Variants in MRPS28 observed in about 807,000 individuals in gnomAD.
MRPS28 encodes the protein small ribosomal subunit protein bS1m.
MRPS28 carries 7 observed loss-of-function variants against 10.8 expected under a neutral mutation model. The ratio of observed to expected loss-of-function variants is 0.65; its 90% CI spans 0.37 to 1.22. MRPS28 has a LOEUF of 1.22. MRPS28 is among the 50% of genes most tolerant of loss of function. MRPS28 has a pLI of 0.02. For synonymous variants in MRPS28, 121 were observed against 93.3 expected (o/e 1.30, Z -1.71); for missense variants, 265 against 232.9 (o/e 1.14, Z -0.90).
At chr8:79,940,120 T>G (rs1338017134) in intron 2 of MRPS28, among the ~76,000 whole-genome samples, 4 of 152,166 alleles carry the variant, frequency 2.6e-5, no homozygotes, top group African/African-American at 9.7e-5. Flanking sequence ...CCCCAGATAT[T>G]CTGATTACTT....
chr8:80,017,859 CCAA>C (rs1293683854), intron 1 of MRPS28, among the ~76,000 whole-genome samples: 3 of 152,082 alleles, frequency 2.0e-5, no homozygotes, highest in Non-Finnish European at 2.9e-5. Context: ...CAAATCAAAT[CCAA>C]CAACATATAA....
At chr8:79,936,768 TAGAGA>T (rs1472394234) in intron 2 of MRPS28, among the ~76,000 whole-genome samples, 2 of 152,234 alleles carry the variant, frequency 1.3e-5, no homozygotes, top group Non-Finnish European at 2.9e-5. Context: ...TGTGCTTGCT[TAGAGA>T]AAAGAAAAAC....
chr8:79,984,614 G>C (rs1157344210), intron 2 of MRPS28, among the ~76,000 whole-genome samples: 33 of 152,164 alleles, frequency 2.2e-4, no homozygotes, highest in African/African-American at 5.8e-4. Flanking sequence ...AAAAAGGCAG[G>C]GGTTGCAATC....
At chr8:79,967,509 C>G (rs191042679) in intron 2 of MRPS28, among the ~76,000 whole-genome samples, 3 of 152,296 alleles carry the variant, frequency 2.0e-5, no homozygotes, top group East Asian at 3.9e-4. Context: ...TAGTTTCCCA[C>G]TGACCACTGC....
chr8:79,964,426 T>C (rs919692786), intron 2 of MRPS28, among the ~76,000 whole-genome samples: 2 of 152,150 alleles, frequency 1.3e-5, no homozygotes, highest in African/African-American at 4.8e-5. Flanking sequence ...TGCTTGATAC[T>C]GGCCAAAAAA....
Position 80,030,083 on chromosome 8 carries a change from A to G in MRPS28, c.166T>C (p.Leu56=), listed in dbSNP as rs1437377839. The change falls in exon 1 of 3, where the codon TTG becomes CTG. Residue 56 remains leucine, a synonymous_variant. Transcript: ENST00000276585. The stretch of plus-strand genomic sequence containing the variant: ...TGTAGAAGCTCCGAGTGCCGCTCCA[A>G]CGCGCTCGCGAAACCGCCTGCGCGC... ...KTRAGGFASA[L]ERHSELLQKV... 1 of 1,610,674 alleles carries G rather than the reference A, an allele frequency of 6.2e-7. No homozygotes were observed. The highest frequency in any genetic ancestry group is 8.5e-7 in the Non-Finnish European group (1 of 1,179,354).
intron 1 of MRPS28, among the ~76,000 whole-genome samples, chr8:80,006,148 A>G (rs567884290): frequency 9.1e-4 from 138 of 152,378 alleles, no homozygotes; most frequent in African/African-American, 3.2e-3. Flanking sequence ...ACAGACATCT[A>G]CAGAACTCCC....
At chr8:79,940,535 C>T (rs1377084855) in intron 2 of MRPS28, among the ~76,000 whole-genome samples, 1 of 152,176 alleles carries the variant, frequency 6.6e-6, no homozygotes, top group East Asian at 1.9e-4. Context: ...AGAAGTTCTG[C>T]CTTTATTGCA....
chr8:79,951,131 G>A (rs1807068734), intron 2 of MRPS28, among the ~76,000 whole-genome samples: 1 of 152,156 alleles, frequency 6.6e-6, no homozygotes, highest in South Asian at 2.1e-4. Context: ...TTATTAATCT[G>A]TGGTCACTGA....
intron 2 of MRPS28, among the ~76,000 whole-genome samples, chr8:79,971,162 A>G (rs1429730390): frequency 6.6e-6 from 1 of 152,180 alleles, no homozygotes; most frequent in East Asian, 1.9e-4. Context: ...TCATTTCCTC[A>G]AAATTTAAAT....
intron 2 of MRPS28, among the ~76,000 whole-genome samples, chr8:79,928,793 T>A (rs1160245784): frequency 3.1e-5 from 1 of 32,344 alleles, no homozygotes; most frequent in African/African-American, 1.3e-4. Flanking sequence ...ACGCCTGTAA[T>A]CCCAGCACTT....
chr8:80,020,082 G>A (rs773247754), intron 1 of MRPS28, among the ~76,000 whole-genome samples: 1 of 152,180 alleles, frequency 6.6e-6, no homozygotes, highest in Non-Finnish European at 1.5e-5. Context: ...AGCAGGTTGC[G>A]AGGGTGGCTT....
intron 2 of MRPS28, among the ~76,000 whole-genome samples, chr8:79,972,326 TG>T (rs1417163458): frequency 6.6e-6 from 1 of 152,214 alleles, no homozygotes; most frequent in Non-Finnish European, 1.5e-5. Context: ...TGTGGGGTCC[TG>T]GAACTAATCC....
intron 2 of MRPS28, among the ~76,000 whole-genome samples, chr8:80,002,147 A>G (rs1450478860): frequency 1.3e-5 from 2 of 152,214 alleles, no homozygotes; most frequent in Non-Finnish European, 2.9e-5. Flanking sequence ...ACTCGTTCTC[A>G]TAATTGCTCT....
chr8:80,015,256 T>C (rs1345686050), intron 1 of MRPS28, among the ~76,000 whole-genome samples: 1 of 152,240 alleles, frequency 6.6e-6, no homozygotes, highest in African/African-American at 2.4e-5. Flanking sequence ...GAGCACTCTC[T>C]CTTATTCAAC....
chr8:79,979,914 G>C (rs1212191885), intron 2 of MRPS28, among the ~76,000 whole-genome samples: 1 of 8,828 alleles, frequency 1.1e-4, no homozygotes, highest in African/African-American at 3.2e-4. Context: ...GGATTCTCAC[G>C]CAAAAAAAAA....
chr8:79,985,797 C>A (rs1228865281), intron 2 of MRPS28, among the ~76,000 whole-genome samples: 1 of 151,946 alleles, frequency 6.6e-6, no homozygotes, highest in Non-Finnish European at 1.5e-5. Flanking sequence ...GCTTACCAAC[C>A]AAAAAGAGTC....
At chr8:79,992,967 G>A (rs1181357369) in intron 2 of MRPS28, among the ~76,000 whole-genome samples, 1 of 152,098 alleles carries the variant, frequency 6.6e-6, no homozygotes, top group Non-Finnish European at 1.5e-5. Flanking sequence ...AGCTATTATT[G>A]TTCTTATAAT....
intron 2 of MRPS28, among the ~76,000 whole-genome samples, chr8:79,964,778 A>G (rs1807463698): frequency 6.6e-6 from 1 of 152,118 alleles, no homozygotes; most frequent in African/African-American, 2.4e-5. Flanking sequence ...TGAGCATTCA[A>G]TAAATGTTAC....
Sources: allele counts gnomAD v4.1 joint callset (sites outside exome capture counted in the v4.1 genomes callset), GRCh38; gene constraint gnomAD v4.1.1; transcripts MANE v1.5; gene names NCBI Gene and HGNC (gene_info 2026-07-23, HGNC 2026-07-21).